The following TTC39B variants were observed in gnomAD, a reference collection of about 807,000 sequenced individuals.
The protein encoded by TTC39B is tetratricopeptide repeat protein 39B.
A neutral mutation model predicts 96.6 loss-of-function variants in TTC39B; 92 were observed. That is an observed-to-expected ratio of 0.95 (90% CI 0.80 to 1.13). TTC39B has a LOEUF of 1.13. Among genes scored for constraint, TTC39B ranks in the 50% most tolerant of loss-of-function variants. The pLI is 0.00. For synonymous variants in TTC39B, 367 were observed against 299.4 expected, an observed-to-expected ratio of 1.23 and a Z score of -2.33; for missense variants, 955 against 809.3, an observed-to-expected ratio of 1.18 and a Z score of -2.18.
At chr9:15,241,267 C>G (rs2131469836) in intron 2 of TTC39B, among the ~76,000 whole-genome samples, 1 of 150,500 alleles carries the variant, frequency 6.6e-6, no homozygotes, top group South Asian at 2.1e-4. Flanking sequence ...GTATCAGAAA[C>G]TGGGATTAAA....
rs961181688 is a variant in TTC39B, at chr9:15,225,862, A to C, written c.371+55T>G. On this transcript the variant is annotated intron_variant, in intron 3 of 19. Transcript: ENST00000512701. ...GCAAATATCAGTATTATATTCCTTC[A>C]AGGGTGGGACTGTCCTCCCCTCTTC... is the stretch of plus-strand genomic sequence containing the variant. 3 of 1,507,630 alleles carry C rather than the reference A, an allele frequency of 2.0e-6. No individual in the cohort carries two copies. The African/African-American group carries it at 4.1e-5, about 21-fold the overall frequency. The allele number at this position is 1,507,630 out of a possible 1,614,324, so 93.4% of individuals were successfully genotyped here. A position where few individuals can be genotyped will look rare whatever the true frequency, so the allele number is the denominator to read the frequency against.
At chr9:15,166,787 T>C (rs1243578193) in exon 20 of TTC39B, 2 of 151,564 alleles carry the variant, frequency 1.3e-5, no homozygotes, top group Non-Finnish European at 2.9e-5. Context: ...TGGAAAGAAC[T>C]GTATAAAACA....
chr9:15,198,352 G>A (rs1819304823), intron 8 of TTC39B, among the ~76,000 whole-genome samples: 2 of 151,760 alleles, frequency 1.3e-5, no homozygotes. Context: ...AGCTGCTCGG[G>A]AGGCTGAGTC....
intron 2 of TTC39B, among the ~76,000 whole-genome samples, chr9:15,251,505 T>G (rs1250172771): frequency 6.6e-6 from 1 of 151,780 alleles, no homozygotes; most frequent in Non-Finnish European, 1.5e-5. Flanking sequence ...CAGGTTGCGG[T>G]GAGCTGAGTA....
intron 15 of TTC39B, 99 bp downstream of exon 15, chr9:15,186,845 G>T (rs1324640484): frequency 5.6e-6 from 6 of 1,071,346 alleles, no homozygotes; most frequent in South Asian, 1.3e-5. Context: ...ACAAGCACAT[G>T]CCACCAGGCC....
rs374564624 is a variant in TTC39B at position 15,191,168 on chromosome 9, T to A, written c.996+22A>T. ...ACTGTCTTATCTTCCCTGTCAAAAT[T>A]AACATAAAATTAAATTTGTACCCTA... On this transcript the variant is annotated intron_variant, in intron 10 of 19. Coordinates refer to ENST00000512701, the Ensembl canonical transcript of TTC39B. 17 of 1,532,042 alleles carry A rather than the reference T, an allele frequency of 1.1e-5. No homozygotes were observed. In the African/African-American group the frequency reaches 1.5e-4, roughly 14 times the overall value. 94.9% of individuals were successfully genotyped at this position (1,532,042 alleles called of 1,614,324 possible).
chr9:15,287,945 CAAAAAAAAAAAAAAA>C (rs762069142), intron 1 of TTC39B, among the ~76,000 whole-genome samples: 3 of 68,950 alleles, frequency 4.4e-5, no homozygotes, highest in East Asian at 9.1e-4. Context: ...GACTCCATCT[CAAAAAAAAAAAAAAA>C]AAAAAAAAAC....
chr9:15,275,564 T>C (rs1472537209), intron 1 of TTC39B, among the ~76,000 whole-genome samples: 1 of 151,912 alleles, frequency 6.6e-6, no homozygotes, highest in Non-Finnish European at 1.5e-5. Context: ...AGCAAAAGAG[T>C]CCTTGCTTTA....
exon 20 of TTC39B, chr9:15,170,938 T>A (rs1323060429): frequency 6.6e-6 from 1 of 152,232 alleles, no homozygotes; most frequent in Non-Finnish European, 1.5e-5. Flanking sequence ...TTGAAAGTCA[T>A]CTGTTCTTTA....
At chr9:15,251,024 C>G (rs1162057879) in intron 2 of TTC39B, among the ~76,000 whole-genome samples, 1 of 151,940 alleles carries the variant, frequency 6.6e-6, no homozygotes, top group African/African-American at 2.4e-5. Context: ...GCTGAAACCC[C>G]ATCTCTACTA....
In TTC39B at chr9:15,177,833, C is replaced by A; in HGVS notation, c.1724-19G>T. 4.8e-6 allele frequency: 6 copies of A among 1,248,620 alleles called. No homozygotes were observed. The highest frequency in any genetic ancestry group is 6.8e-6 in the Non-Finnish European group (6 of 883,864). 77.3% of individuals were successfully genotyped at this position (1,248,620 alleles called of 1,614,324 possible). A position where few individuals can be genotyped will look rare whatever the true frequency, so the allele number is the denominator to read the frequency against. On this transcript the variant is annotated intron_variant, in intron 17 of 19. Transcript: ENST00000512701. ...TTAAAATCTTAAAACAAAAAACATA[C>A]AAAGAAAACACACAAAGAAAAATAC...
At chr9:15,242,108 G>C (rs1354306752) in intron 2 of TTC39B, among the ~76,000 whole-genome samples, 4 of 152,152 alleles carry the variant, frequency 2.6e-5, no homozygotes, top group Non-Finnish European at 4.4e-5. Flanking sequence ...CATAAAGGCA[G>C]GATTGTATCG....
At chr9:15,199,604 G>T (rs978729805) in intron 8 of TTC39B, among the ~76,000 whole-genome samples, 1 of 151,144 alleles carries the variant, frequency 6.6e-6, no homozygotes, top group Admixed American at 6.6e-5. Context: ...GCGTGGTGGC[G>T]GGCGCCTGTA....
rs1314442508 is a variant in TTC39B at position 15,306,251 on chromosome 9, C to G, written c.240+833G>C. Among the ~76,000 whole-genome samples, 4 of 152,318 alleles carry G rather than the reference C, an allele frequency of 2.6e-5. No individual in the cohort carries two copies. Among genetic ancestry groups the G allele is most frequent in the Non-Finnish European group, 4.4e-5 (3 of 68,036 alleles). ...GTCTCAACTTCAAGAGCAGGGAGAG[C>G]GCTGTCTCTGGAGTTGCCAGGTGCT... On this transcript the variant is annotated intron_variant, in intron 1 of 19. Transcript: ENST00000512701. The surrounding 1 kb of genome is among the most constrained non-coding windows in gnomAD (Gnocchi z 5.1).
intron 5 of TTC39B, among the ~76,000 whole-genome samples, chr9:15,210,783 T>C (rs1820149938): frequency 6.6e-6 from 1 of 151,820 alleles, no homozygotes; most frequent in South Asian, 2.1e-4. Flanking sequence ...TCAAAATAAC[T>C]TACCCCTTGA....
chr9:15,198,759 T>C (rs1165189051), intron 8 of TTC39B, among the ~76,000 whole-genome samples: 1 of 151,920 alleles, frequency 6.6e-6, no homozygotes, highest in African/African-American at 2.4e-5. Context: ...AACATTCAAC[T>C]GCCCAGCTAT....
chr9:15,233,755 T>G (rs1821582480), intron 2 of TTC39B, among the ~76,000 whole-genome samples: 1 of 152,212 alleles, frequency 6.6e-6, no homozygotes, highest in African/African-American at 2.4e-5. Flanking sequence ...GAGCCGAGAT[T>G]GCAGCCTCTG....
chr9:15,175,562 T>C (rs1817889903), intron 18 of TTC39B, among the ~76,000 whole-genome samples: 1 of 152,136 alleles, frequency 6.6e-6, no homozygotes, highest in Non-Finnish European at 1.5e-5. Context: ...AATAAAGAAA[T>C]GGTCAACACT....
intron 2 of TTC39B, among the ~76,000 whole-genome samples, chr9:15,226,952 A>C (rs1821153229): frequency 6.6e-6 from 1 of 152,128 alleles, no homozygotes; most frequent in Admixed American, 6.5e-5. Context: ...TCATTAAAAA[A>C]AGAGGAGAAG....
Sources: gnomAD v4.1 joint callset for allele counts (sites outside exome capture counted in the v4.1 genomes callset) on GRCh38, gnomAD v4.1.1 for gene constraint, Gnocchi (gnomAD v3.1) non-coding constraint, MANE v1.5 for transcripts, NCBI Gene and HGNC (gene_info 2026-07-23, HGNC 2026-07-21) for gene names.